The following SP140L variants were observed in gnomAD, a reference collection of about 807,000 sequenced individuals.
The protein encoded by SP140L is SP140 like nuclear body protein, also known as nuclear body protein SP140-like protein.
SP140L carries 64 observed loss-of-function variants against 84.3 expected under a neutral mutation model. The ratio of observed to expected loss-of-function variants is 0.76; its 90% CI spans 0.62 to 0.94. The LOEUF (loss-of-function observed/expected upper bound fraction) is 0.94. Ranked by LOEUF, SP140L falls within the 40% of genes least tolerant of loss-of-function variation. The probability of loss-of-function intolerance (pLI) is 0.00; values close to 1 mark genes in which losing one functional copy is unlikely to be tolerated. For synonymous variants in SP140L, 242 were observed against 236.9 expected (o/e 1.02, Z -0.20); for missense variants, 628 against 692.5 (o/e 0.91, Z 1.05).
intron 7 of SP140L, among the ~76,000 whole-genome samples, chr2:230,376,122 G>C (rs1190860886): frequency 1.3e-5 from 2 of 152,112 alleles, no homozygotes; most frequent in East Asian, 3.9e-4. Context: ...TATTTTGCTT[G>C]TGGATATTCA....
intron 2 of SP140L, among the ~76,000 whole-genome samples, chr2:230,339,614 C>T (rs1374537341): frequency 1.8e-4 from 27 of 146,480 alleles, no homozygotes; most frequent in South Asian, 4.5e-4. Flanking sequence ...ATCTTTCCTG[C>T]TTTCTCTTGT....
chr2:230,364,112 T>C (rs2060800911), intron 5 of SP140L, among the ~76,000 whole-genome samples: 1 of 152,190 alleles, frequency 6.6e-6, no homozygotes, highest in South Asian at 2.1e-4. Flanking sequence ...TTCAGCTTTG[T>C]TCTTTTTGCT....
At chr2:230,389,335 AC>A (rs1194353179) in intron 10 of SP140L, among the ~76,000 whole-genome samples, 1 of 151,558 alleles carries the variant, frequency 6.6e-6, no homozygotes, top group East Asian at 1.9e-4. Flanking sequence ...TCAGTTCCCC[AC>A]CCCCTGCTAG....
intron 12 of SP140L, among the ~76,000 whole-genome samples, chr2:230,393,050 C>T (rs2061891159): frequency 2.0e-5 from 3 of 152,030 alleles, no homozygotes. Flanking sequence ...TGACTGACAC[C>T]CAGTAGCATG....
At chr2:230,375,833 G>A (rs897897881) in intron 7 of SP140L, among the ~76,000 whole-genome samples, 13 of 152,192 alleles carry the variant, frequency 8.5e-5, no homozygotes, top group African/African-American at 2.6e-4. Context: ...TACATGGTTT[G>A]CAAATATTTT....
At chr2:230,353,440 G>A (rs531229588) in intron 2 of SP140L, among the ~76,000 whole-genome samples, 2 of 151,888 alleles carry the variant, frequency 1.3e-5, no homozygotes, top group African/African-American at 2.4e-5. Flanking sequence ...TCCATTTTTG[G>A]TATATGGAAA....
At chr2:230,341,690 T>A (rs1385149348) in intron 2 of SP140L, among the ~76,000 whole-genome samples, 2 of 151,534 alleles carry the variant, frequency 1.3e-5, no homozygotes, top group Non-Finnish European at 2.9e-5. Context: ...TCCTTTCTGT[T>A]TGTTAGTTTT....
intron 12 of SP140L, 62 bp from the exon 13 acceptor site, chr2:230,393,346 TTGGAAA>T: frequency 6.7e-7 from 1 of 1,503,612 alleles, no homozygotes; most frequent in Non-Finnish European, 8.9e-7. Context: ...TGGGAAGAGG[TTGGAAA>T]TGCCAGACTC....
chr2:230,398,674 G>A (rs537015104), intron 14 of SP140L, among the ~76,000 whole-genome samples: 43 of 152,364 alleles, frequency 2.8e-4, no homozygotes, highest in Admixed American at 5.9e-4. Context: ...GATCACGGGA[G>A]AAGGATTTCA....
chr2:230,349,553 T>G (rs1449023908), intron 2 of SP140L, among the ~76,000 whole-genome samples: 1 of 152,234 alleles, frequency 6.6e-6, no homozygotes, highest in Non-Finnish European at 1.5e-5. Context: ...TTTGTCATTT[T>G]CAGCATACAA....
chr2:230,345,090 T>C (rs909391273), intron 2 of SP140L, among the ~76,000 whole-genome samples: 4 of 152,240 alleles, frequency 2.6e-5, no homozygotes, highest in Non-Finnish European at 5.9e-5. Context: ...TTGTTAAGGG[T>C]GAGGTATTAA....
Position 230,359,025 on chromosome 2 carries a change from G to C in SP140L, c.332G>C (p.Ser111Thr), listed in dbSNP as rs1158273889. 2 of 1,613,548 alleles carry C rather than the reference G, an allele frequency of 1.2e-6. No homozygotes were observed. Among genetic ancestry groups the C allele is most frequent in the South Asian group, 2.2e-5 (2 of 91,026 alleles). ...PVQRVVYNVL[S>T]ELEKTFNLSV... Reference sequence around the variant, plus strand: ...CAAAGAGTGGTGTACAATGTTCTCAGTGAACTGGAGAAGACATTTAACCTG... The same window carrying C: ...CAAAGAGTGGTGTACAATGTTCTCACTGAACTGGAGAAGACATTTAACCTG... The change falls in exon 4 of 19, where the codon AGT (serine) becomes ACT (threonine). Residue 111 changes from serine to threonine, a missense_variant. Physicochemically the swap from Ser to Thr is moderately conservative, Grantham distance 58 (BLOSUM62 1). Around this residue, in one of 4 missense-constraint regions of SP140L, gnomAD observed 525 missense variants for 518.4 expected, o/e 1.01. Transcript: ENST00000415673.
At chr2:230,400,422 T>C (rs1396620296) in intron 15 of SP140L, 180 bp downstream of exon 15, 7 of 610,246 alleles carry the variant, frequency 1.1e-5, no homozygotes, top group East Asian at 5.8e-5. Flanking sequence ...AGGTAAATGC[T>C]CTCTGTGCTC....
intron 1 of SP140L, 118 bp from the exon 2 acceptor site, chr2:230,328,639 C>T: frequency 7.8e-7 from 1 of 1,290,090 alleles, no homozygotes; most frequent in Non-Finnish European, 1.0e-6. Context: ...ATATATTTCT[C>T]TTTTTTTTGC....
chr2:230,359,464 A>T (rs1344466875), intron 4 of SP140L, among the ~76,000 whole-genome samples: 1 of 152,202 alleles, frequency 6.6e-6, no homozygotes, highest in Non-Finnish European at 1.5e-5. Context: ...AGTGACCTAC[A>T]CAGCAGTCCA....
intron 15 of SP140L, 131 bp downstream of exon 15, chr2:230,400,373 A>G: frequency 1.2e-6 from 1 of 855,292 alleles, no homozygotes; most frequent in Non-Finnish European, 1.9e-6. Context: ...GGGACCCAGC[A>G]GTGTGATCCA....
chr2:230,390,046 A>G, intron 11 of SP140L, 23 bp downstream of exon 11: 13 of 1,584,244 alleles, frequency 8.2e-6, no homozygotes, highest in Non-Finnish European at 1.1e-5. Context: ...GTCTTCTTTA[A>G]TTTGCAGCTC....
intron 7 of SP140L, among the ~76,000 whole-genome samples, chr2:230,381,906 C>T (rs551440995): frequency 1.3e-4 from 20 of 152,276 alleles, no homozygotes; most frequent in African/African-American, 3.6e-4. Context: ...ACAAGGTGTT[C>T]GAAGAAGGGA....
intron 2 of SP140L, among the ~76,000 whole-genome samples, chr2:230,344,561 A>G (rs1416706047): frequency 6.6e-6 from 1 of 152,172 alleles, no homozygotes; most frequent in Non-Finnish European, 1.5e-5. Context: ...TCCTGCCACC[A>G]TGATGCTAGC....
Sources: allele counts gnomAD v4.1 joint callset (sites outside exome capture counted in the v4.1 genomes callset), GRCh38; gene constraint gnomAD v4.1.1; regional missense constraint gnomAD v4.1.1; transcripts MANE v1.5; gene names NCBI Gene and HGNC (gene_info 2026-07-23, HGNC 2026-07-21).